The following PTPRK variants were observed in gnomAD, a reference collection of about 807,000 sequenced individuals.
The protein encoded by PTPRK is protein tyrosine phosphatase receptor type K.
Under a neutral mutation model 178.0 loss-of-function variants are expected in PTPRK, and 75 were observed. The ratio of observed to expected loss-of-function variants is 0.42; its 90% CI spans 0.35 to 0.51. The LOEUF is 0.51. Among genes scored for constraint, PTPRK ranks in the 20% least tolerant of loss-of-function variants. PTPRK has a pLI of 0.02. For missense variants in PTPRK, 1,441 were observed against 1,797.8 expected (o/e 0.80, Z 3.59); for synonymous variants, 637 against 620.6 (o/e 1.03, Z -0.39).
At chr6:128,168,530 G>A (rs148874166) in intron 7 of PTPRK, among the ~76,000 whole-genome samples, 249 of 152,106 alleles carry the variant, frequency 1.6e-3, no homozygotes, top group African/African-American at 5.2e-3. Context: ...GGAGGTGAGC[G>A]GAAGGCAAGG....
chr6:128,226,796 A>ATATATG (rs1244431323), intron 5 of PTPRK, among the ~76,000 whole-genome samples: 87 of 128,780 alleles, frequency 6.8e-4, no homozygotes, highest in African/African-American at 2.3e-3. Flanking sequence ...ATATATATAT[A>ATATATG]TATTTCAATA....
At chr6:128,199,176 A>G (rs1453894298) in intron 6 of PTPRK, among the ~76,000 whole-genome samples, 3 of 152,184 alleles carry the variant, frequency 2.0e-5, no homozygotes, top group African/African-American at 7.2e-5. Context: ...AGTATATTCA[A>G]ATACTGCTAT....
chr6:128,406,896 G>T (rs1841719159), intron 1 of PTPRK, among the ~76,000 whole-genome samples: 1 of 152,162 alleles, frequency 6.6e-6, no homozygotes, highest in Middle Eastern at 3.2e-3. Flanking sequence ...AGACATTTAA[G>T]TGACATGTAA....
At chr6:128,190,107 G>A (rs1380107126) in intron 6 of PTPRK, among the ~76,000 whole-genome samples, 2 of 152,118 alleles carry the variant, frequency 1.3e-5, no homozygotes, top group Non-Finnish European at 2.9e-5. Context: ...AATATCATAT[G>A]TATAACAACA....
chr6:128,277,090 T>C (rs539834183), intron 3 of PTPRK, among the ~76,000 whole-genome samples: 5 of 151,708 alleles, frequency 3.3e-5, no homozygotes, highest in African/African-American at 7.3e-5. Context: ...CTACTCCTTA[T>C]AGCTTGGCAC....
chr6:127,976,738 G>A lies in PTPRK; in HGVS notation c.3888C>T (p.Gly1296=), dbSNP rs1258898442. The A allele has an allele frequency of 6.2e-7, 1 of 1,613,788 alleles. No homozygotes were observed. The highest frequency in any genetic ancestry group is 1.6e-4 in the Middle Eastern group (1 of 6,062). Residue 1296 remains glycine, a synonymous_variant, in exon 27 of 30, where the codon GGC becomes GGT. Transcript: ENST00000368226. ...YWPEEGMLRY[G]PIQVECMSCS... is the part of the protein sequence containing the mutation. ...AAGACATACATTCCACTTGGATGGG[G>A]CCATATCGTAGCATCCCTTCCTCTG...
chr6:128,373,423 G>A (rs1408489235), intron 2 of PTPRK, among the ~76,000 whole-genome samples: 1 of 152,166 alleles, frequency 6.6e-6, no homozygotes, highest in Non-Finnish European at 1.5e-5. Context: ...TTTATCATTA[G>A]TTGTATATTA....
At position 127,985,864 on chromosome 6, in the gene PTPRK, A is replaced by G. The variant is rs1476875727; in HGVS notation, c.3108T>C (p.Asn1036=). The G allele has an allele frequency of 1.2e-6, 2 of 1,611,600 alleles. No homozygotes were observed. The highest frequency in any genetic ancestry group is 1.7e-6 in the Non-Finnish European group (2 of 1,178,038). The change falls in exon 22 of 30, where the codon AAT becomes AAC. Residue 1036 remains asparagine, a synonymous_variant. Transcript: ENST00000368226. ...GGAACTGTTTAACTTCACGGATTTC[A>G]TTGTACCCCCTCTGTGCAAAGATGG... ...RTFTLERRGY[N]EIREVKQFHF...
At chr6:127,973,309 G>C in intron 28 of PTPRK, 152 bp from the exon 29 acceptor site, 3 of 1,276,394 alleles carry the variant, frequency 2.4e-6, no homozygotes, top group Non-Finnish European at 3.2e-6. Flanking sequence ...AAGGCAGAGA[G>C]GAGAAAACTT....
chr6:128,493,431 A>C (rs150545755), intron 1 of PTPRK, among the ~76,000 whole-genome samples: 3 of 151,776 alleles, frequency 2.0e-5, no homozygotes, highest in Admixed American at 1.3e-4. Flanking sequence ...GCATGGTGGC[A>C]GGCGCCTGTA....
intron 3 of PTPRK, among the ~76,000 whole-genome samples, chr6:128,304,010 G>A (rs1457938087): frequency 6.6e-6 from 1 of 152,108 alleles, no homozygotes; most frequent in Non-Finnish European, 1.5e-5. Context: ...CACGACTTAT[G>A]CAATTTTGGA....
chr6:127,975,634 A>T (rs1261891317), intron 27 of PTPRK, among the ~76,000 whole-genome samples: 1 of 152,148 alleles, frequency 6.6e-6, no homozygotes, highest in Non-Finnish European at 1.5e-5. Flanking sequence ...TTTCTTTTCC[A>T]ATTCTGCTTG....
intron 2 of PTPRK, among the ~76,000 whole-genome samples, chr6:128,346,010 T>C (rs116465834): frequency 1.1e-4 from 17 of 152,284 alleles, no homozygotes; most frequent in African/African-American, 4.1e-4. Context: ...TTTCAGGCTG[T>C]AAATGTCTTA....
intron 13 of PTPRK, among the ~76,000 whole-genome samples, chr6:128,054,696 ATACTT>A (rs2114888675): frequency 6.6e-6 from 1 of 152,310 alleles, no homozygotes; most frequent in African/African-American, 2.4e-5. Context: ...CATTTGTATC[ATACTT>A]TACTTAAGTT....
intron 7 of PTPRK, among the ~76,000 whole-genome samples, chr6:128,110,857 T>C (rs769236789): frequency 1.3e-5 from 2 of 152,082 alleles, no homozygotes; most frequent in Non-Finnish European, 2.9e-5. Context: ...AAAATGAAGG[T>C]TGAGATTAAC....
In PTPRK at chr6:128,238,081, CT is replaced by C. The variant is rs575827935; in HGVS notation, c.693+1953del. ...GGTGTTATTGAAAAAGGTAAAATAG[CT>C]TTTGAATAAATTAAGGTGAATATGC... On this transcript the variant is annotated intron_variant, in intron 5 of 29. Transcript: ENST00000368226. 2.7e-3 allele frequency: 1,182 copies of C among 441,366 alleles called. 20 individuals carry two copies. Among genetic ancestry groups the C allele is most frequent in the South Asian group, 0.018 (1,121 of 60,994 alleles). 27.3% of individuals were successfully genotyped at this position (441,366 alleles called of 1,614,324 possible). A position where few individuals can be genotyped will look rare whatever the true frequency, so the allele number is the denominator to read the frequency against.
chr6:128,222,230 A>G (rs901317697), intron 5 of PTPRK, among the ~76,000 whole-genome samples: 2 of 152,128 alleles, frequency 1.3e-5, no homozygotes, highest in East Asian at 1.9e-4. Context: ...TTCCTTCTCA[A>G]TAATCATTAT....
At chr6:128,016,320 G>A (rs915224584) in intron 13 of PTPRK, among the ~76,000 whole-genome samples, 13 of 151,872 alleles carry the variant, frequency 8.6e-5, no homozygotes, top group African/African-American at 3.1e-4. Context: ...AGGGCGAAGA[G>A]TATGAGCTAA....
chr6:128,118,305 C>T (rs1791896082), intron 7 of PTPRK, among the ~76,000 whole-genome samples: 3 of 152,154 alleles, frequency 2.0e-5, no homozygotes, highest in Admixed American at 2.0e-4. Flanking sequence ...TACCCTGGCA[C>T]CTGCCTTAGC....
Sources: gnomAD v4.1 joint callset for allele counts (sites outside exome capture counted in the v4.1 genomes callset) on GRCh38, gnomAD v4.1.1 for gene constraint, MANE v1.5 for transcripts, NCBI Gene and HGNC (gene_info 2026-07-23, HGNC 2026-07-21) for gene names.